ZNF638: variants seen among roughly 807,000 people sequenced by gnomAD.
ZNF638 encodes the protein CTCL tumor antigen se33-1.
ZNF638 carries 46 observed loss-of-function variants against 195.6 expected under a neutral mutation model. The observed-to-expected ratio is 0.24, with a 90% CI of 0.19 to 0.30. The LOEUF (loss-of-function observed/expected upper bound fraction) is 0.30. Among genes scored for constraint, ZNF638 ranks in the 10% least tolerant of loss-of-function variants. The pLI is 1.00. For synonymous variants in ZNF638, 845 were observed against 772.0 expected (o/e 1.09, Z -1.57); for missense variants, 2,440 against 2,325.3 (o/e 1.05, Z -1.01).
intron 1 of ZNF638, among the ~76,000 whole-genome samples, chr2:71,339,150 G>GTTTT (rs35822775): frequency 3.1e-5 from 4 of 130,160 alleles, no homozygotes; most frequent in African/African-American, 3.0e-5. Flanking sequence ...GTCGGTTTAG[G>GTTTT]TTTTTTTTTT....
At chr2:71,424,927 A>C (rs1020163546) in intron 23 of ZNF638, among the ~76,000 whole-genome samples, 1 of 152,180 alleles carries the variant, frequency 6.6e-6, no homozygotes, top group Admixed American at 6.5e-5. Context: ...TGTTTTCTTG[A>C]GGCGGGGGGA....
chr2:71,408,502 G>T (rs2080149318), intron 20 of ZNF638: 1 of 385,790 alleles, frequency 2.6e-6, no homozygotes. Context: ...ACATTTTTGT[G>T]TATAGTGACT....
At chr2:71,406,368 C>T (rs1288121447) in intron 19 of ZNF638, 106 bp downstream of exon 19, 2 of 986,572 alleles carry the variant, frequency 2.0e-6, no homozygotes, top group Non-Finnish European at 3.0e-6. Context: ...GTAAATATTA[C>T]TCAACCACTT....
intron 20 of ZNF638, chr2:71,408,573 C>T: frequency 3.3e-6 from 1 of 303,478 alleles, no homozygotes; most frequent in Non-Finnish European, 6.4e-6. Context: ...TTGGCTTCCT[C>T]TGGGTAGAAA....
intron 25 of ZNF638, among the ~76,000 whole-genome samples, chr2:71,430,557 A>G (rs980184357): frequency 2.0e-5 from 3 of 152,160 alleles, no homozygotes; most frequent in East Asian, 1.9e-4. Flanking sequence ...CTCACTAGCT[A>G]TGCAACCTTG....
intron 11 of ZNF638, among the ~76,000 whole-genome samples, chr2:71,396,394 CTG>C (rs1321266020): frequency 6.6e-6 from 1 of 152,068 alleles, no homozygotes; most frequent in Non-Finnish European, 1.5e-5. Context: ...AAATAATTAA[CTG>C]GAGAAATTTC....
chr2:71,332,525 G>C (rs953885237), intron 1 of ZNF638, among the ~76,000 whole-genome samples: 1 of 152,172 alleles, frequency 6.6e-6, no homozygotes, highest in Non-Finnish European at 1.5e-5. Flanking sequence ...TCACCTCTGT[G>C]GGAGACTGAG....
At chr2:71,433,086 C>T in intron 26 of ZNF638, 79 bp from the exon 27 acceptor site, 1 of 1,179,650 alleles carries the variant, frequency 8.5e-7, no homozygotes, top group Non-Finnish European at 1.3e-6. Flanking sequence ...GACTCCGTCT[C>T]AAATAAATGA....
chr2:71,345,507 T>G (rs1573023455), intron 1 of ZNF638, among the ~76,000 whole-genome samples: 1 of 152,158 alleles, frequency 6.6e-6, no homozygotes, highest in South Asian at 2.1e-4. Context: ...TCCTACCACC[T>G]CAGCCTCCTG....
At position 71,364,186 on chromosome 2, in the gene ZNF638, G is replaced by A; in HGVS notation, c.1651G>A (p.Gly551Ser). 6.2e-7 allele frequency: 1 copy of A among 1,614,166 alleles called. No individual in the cohort carries two copies. Among genetic ancestry groups the A allele is most frequent in the African/African-American group, 1.3e-5 (1 of 75,036 alleles). Residue 551 changes from glycine (G) to serine (S), a missense_variant, in exon 5 of 28, where the codon GGT becomes AGT. Gly to Ser is a moderately conservative substitution (Grantham distance 56). Coordinates refer to ENST00000264447, the MANE Select transcript of ZNF638 (RefSeq NM_014497.5). ...ATATCGAATTAGAAATCCATTTAGAGGTAGTCCAAAATGCTTTCGATCAGT... is the reference window on the plus strand; with the variant it reads ...ATATCGAATTAGAAATCCATTTAGAAGTAGTCCAAAATGCTTTCGATCAGT... ...SPYRIRNPFR[G>S]SPKCFRSVSP...
At chr2:71,389,817 A>G (rs77581324) in intron 10 of ZNF638, among the ~76,000 whole-genome samples, 2,125 of 152,268 alleles carry the variant, frequency 0.014, 20 homozygotes, top group Non-Finnish European at 0.024. Context: ...CAGGCCGCTG[A>G]TAATCTTATT....
chr2:71,427,904 T>C (rs981978423), intron 24 of ZNF638, among the ~76,000 whole-genome samples: 3 of 152,062 alleles, frequency 2.0e-5, no homozygotes, highest in African/African-American at 7.2e-5. Flanking sequence ...ATTAAGAAAA[T>C]CTTGAGGCCA....
intron 25 of ZNF638, among the ~76,000 whole-genome samples, chr2:71,430,113 A>G (rs2080627143): frequency 6.6e-6 from 1 of 152,210 alleles, no homozygotes; most frequent in Non-Finnish European, 1.5e-5. Flanking sequence ...ACTAATGAAC[A>G]ATATGTTTTG....
Position 71,365,545 on chromosome 2 carries a change from A to T in ZNF638, c.1834A>T (p.Thr612Ser), listed in dbSNP as rs200872776. The change falls in exon 6 of 28, where the codon ACT becomes TCT. Residue 612 changes from threonine (T) to serine (S), a missense_variant. Physicochemically the swap from Thr to Ser is moderately conservative, Grantham distance 58. Transcript: ENST00000264447. ...ACATTCACCAGCACAAAAGCCTAAA[A>T]CTAGCAGTGGAACAAAACCATCAGT... ...KGHSPAQKPKTSSGTKPSVKP... is the reference protein window; with the variant it reads ...KGHSPAQKPKSSSGTKPSVKP... 103 of 1,614,068 alleles carry T rather than the reference A, an allele frequency of 6.4e-5. No homozygotes were observed. Among genetic ancestry groups the T allele is most frequent in the Non-Finnish European group, 8.1e-5 (95 of 1,180,030 alleles).
chr2:71,353,997 A>G (rs2078983660), intron 2 of ZNF638, among the ~76,000 whole-genome samples: 1 of 152,236 alleles, frequency 6.6e-6, no homozygotes, highest in Non-Finnish European at 1.5e-5. Flanking sequence ...TCCATGGCTT[A>G]ATGAAATAGT....
At chr2:71,355,866 A>G in intron 3 of ZNF638, 86 bp downstream of exon 3, 1 of 639,246 alleles carries the variant, frequency 1.6e-6, no homozygotes, top group South Asian at 3.4e-5. Context: ...CCTTTAGTAT[A>G]ATACTTTGGA....
chr2:71,354,395 A>C (rs985989050), intron 2 of ZNF638, among the ~76,000 whole-genome samples: 2 of 150,036 alleles, frequency 1.3e-5, no homozygotes, highest in Non-Finnish European at 3.0e-5. Context: ...ATGGGTACAC[A>C]TTGTAATTTT....
intron 1 of ZNF638, among the ~76,000 whole-genome samples, chr2:71,332,104 T>C (rs2078580591): frequency 6.6e-6 from 1 of 152,186 alleles, no homozygotes; most frequent in African/African-American, 2.4e-5. Context: ...TTCACTTCGC[T>C]ACCCGGGAGG....
Position 71,349,057 on chromosome 2 carries a change from G to A in ZNF638, c.103G>A (p.Gly35Arg), listed in dbSNP as rs1295583631. 2 of 1,614,190 alleles carry A rather than the reference G, an allele frequency of 1.2e-6. No homozygotes were observed. The highest frequency in any genetic ancestry group is 1.7e-6 in the Non-Finnish European group (2 of 1,180,030). Residue 35 changes from glycine (G) to arginine (R), a missense_variant, in exon 2 of 28, where the codon GGA (glycine) becomes AGA (arginine). Around this residue, in one of 5 missense-constraint regions of ZNF638, gnomAD observed 191 missense variants for 173.8 expected, o/e 1.10. Transcript: ENST00000264447. Reference sequence around the variant, plus strand: ...GCCTCCAGGACCATTTATGAGGCCTGGATCTATGGGTCTCCCAAGATTTTA... The same window carrying A: ...GCCTCCAGGACCATTTATGAGGCCTAGATCTATGGGTCTCCCAAGATTTTA... ...MRPPGPFMRP[G>R]SMGLPRFYPA...
Sources: gnomAD v4.1 joint callset for allele counts (sites outside exome capture counted in the v4.1 genomes callset) on GRCh38, gnomAD v4.1.1 for gene constraint, gnomAD v4.1.1 regional missense constraint, MANE v1.5 for transcripts, NCBI Gene and HGNC (gene_info 2026-07-23, HGNC 2026-07-21) for gene names.